TEK: variants seen among roughly 807,000 people sequenced by gnomAD.
The protein encoded by TEK is TEK receptor tyrosine kinase.
TEK carries 43 observed loss-of-function variants against 131.8 expected under a neutral mutation model. The observed-to-expected ratio is 0.33, with a 90% CI of 0.26 to 0.42. The LOEUF (loss-of-function observed/expected upper bound fraction) is 0.42, where lower values mean the gene tolerates loss of function less well. Among genes scored for constraint, TEK ranks in the 10% least tolerant of loss-of-function variants. The pLI is 1.00. For synonymous variants in TEK, 580 were observed against 491.6 expected (o/e 1.18, Z -2.38); for missense variants, 1,162 against 1,384.4 (o/e 0.84, Z 2.55).
chr9:27,149,514 G>A (rs1219425699), intron 1 of TEK, among the ~76,000 whole-genome samples: 3 of 152,164 alleles, frequency 2.0e-5, no homozygotes, highest in African/African-American at 7.2e-5. Context: ...GGAAGGCTAG[G>A]TGACTTCTTT....
chr9:27,195,553 CT>C (rs529626503), intron 11 of TEK: 8 of 439,364 alleles, frequency 1.8e-5, no homozygotes, highest in Middle Eastern at 4.5e-4. Flanking sequence ...GATTGTGTCC[CT>C]ACTGAGAATG....
At chr9:27,122,357 T>A (rs1299098514) in intron 1 of TEK, among the ~76,000 whole-genome samples, 7 of 151,896 alleles carry the variant, frequency 4.6e-5, no homozygotes, top group Non-Finnish European at 1.0e-4. Context: ...GAGAACAGGA[T>A]TATGGAAGAT....
intron 18 of TEK, 91 bp from the exon 19 acceptor site, chr9:27,217,597 G>T: frequency 9.0e-7 from 1 of 1,110,118 alleles, no homozygotes; most frequent in Non-Finnish European, 1.4e-6. Flanking sequence ...AGTCTACCCA[G>T]CAATCATTTG....
At chr9:27,187,587 T>C (rs1824646070) in intron 9 of TEK, among the ~76,000 whole-genome samples, 1 of 152,184 alleles carries the variant, frequency 6.6e-6, no homozygotes. Context: ...TAATCACAAA[T>C]TGTAGTATAT....
At chr9:27,136,807 A>C (rs1822465519) in intron 1 of TEK, among the ~76,000 whole-genome samples, 1 of 151,804 alleles carries the variant, frequency 6.6e-6, no homozygotes, top group Non-Finnish European at 1.5e-5. Flanking sequence ...TTGGAATTTC[A>C]ATTTGGATTA....
intron 15 of TEK, 72 bp from the exon 16 acceptor site, chr9:27,209,049 G>A: frequency 3.0e-6 from 3 of 1,004,474 alleles, no homozygotes; most frequent in East Asian, 2.4e-5. Flanking sequence ...AGGTTCTTAG[G>A]GGGCAGGACG....
At chr9:27,202,644 G>A (rs1405063056) in intron 12 of TEK, among the ~76,000 whole-genome samples, 176 bp from the exon 13 acceptor site, 8 of 152,146 alleles carry the variant, frequency 5.3e-5, no homozygotes, top group Non-Finnish European at 7.3e-5. Context: ...TTCTCTGTCT[G>A]TGCCACTCTT....
intron 21 of TEK, among the ~76,000 whole-genome samples, chr9:27,224,742 G>C (rs1826240964): frequency 6.6e-6 from 1 of 152,150 alleles, no homozygotes; most frequent in Non-Finnish European, 1.5e-5. Flanking sequence ...ACGTAGGATT[G>C]AAAGTTCTGG....
At chr9:27,172,325 T>G (rs1823988214) in intron 4 of TEK, among the ~76,000 whole-genome samples, 1 of 152,196 alleles carries the variant, frequency 6.6e-6, no homozygotes, top group Non-Finnish European at 1.5e-5. Flanking sequence ...TCTTTGCTAC[T>G]TAGTTGGTCC....
At chr9:27,162,764 G>A (rs555559246) in intron 2 of TEK, among the ~76,000 whole-genome samples, 1 of 151,870 alleles carries the variant, frequency 6.6e-6, no homozygotes, top group African/African-American at 2.4e-5. Context: ...CACCCAGGCT[G>A]GAGTGCAGTG....
intron 19 of TEK, 46 bp downstream of exon 19, chr9:27,217,804 A>G: frequency 6.5e-7 from 1 of 1,529,584 alleles, no homozygotes; most frequent in African/African-American, 1.4e-5. Context: ...CCCTCCCAGA[A>G]ACATATACAT....
intron 18 of TEK, among the ~76,000 whole-genome samples, chr9:27,215,204 G>A (rs1222899551): frequency 6.6e-6 from 1 of 152,120 alleles, no homozygotes; most frequent in Non-Finnish European, 1.5e-5. Flanking sequence ...CTGCAATATT[G>A]GGGTTATTTA....
chr9:27,183,162 T>C (rs1197457964), intron 7 of TEK, among the ~76,000 whole-genome samples: 2 of 152,182 alleles, frequency 1.3e-5, no homozygotes, highest in African/African-American at 2.4e-5. Flanking sequence ...CATTTTAATA[T>C]TGAGACTGTT....
intron 1 of TEK, among the ~76,000 whole-genome samples, chr9:27,112,355 C>T (rs1375521352): frequency 1.3e-5 from 2 of 152,172 alleles, no homozygotes; most frequent in Non-Finnish European, 2.9e-5. Context: ...TCTGAGTAAT[C>T]AAGGGTGGAG....
At position 27,138,872 on chromosome 9, in the gene TEK, G is replaced by C. The variant is rs557741918; in HGVS notation, c.53-18959G>C. ...GGAACCAATCCCCTGTGTGTACCAAGGAACAGCTATGTAATGTTTTAGATT... is the reference window on the plus strand; with the variant it reads ...GGAACCAATCCCCTGTGTGTACCAACGAACAGCTATGTAATGTTTTAGATT... On this transcript the variant is annotated intron_variant, in intron 1 of 22. Coordinates refer to ENST00000380036, the MANE Select transcript of TEK (RefSeq NM_000459.5). Among the ~76,000 whole-genome samples the C allele has an allele frequency of 2.0e-5, 3 of 152,244 alleles. No homozygotes were observed. The East Asian group carries it at 5.8e-4, about 29-fold the overall frequency.
chr9:27,213,435 C>A (rs750684267), intron 17 of TEK, 49 bp from the exon 18 acceptor site: 2 of 1,414,166 alleles, frequency 1.4e-6, no homozygotes, highest in Admixed American at 1.7e-5. Context: ...GTTTTCAGCC[C>A]TGGGGCTTTC....
rs1305987822 is a variant in TEK, at chr9:27,204,930, G to C, written c.2229G>C (p.Gly743=). 1 of 1,613,912 alleles carries C rather than the reference G, an allele frequency of 6.2e-7. No homozygotes were observed. Among genetic ancestry groups the C allele is most frequent in the South Asian group, 1.1e-5 (1 of 91,072 alleles). The change falls in exon 14 of 23, where the codon GGG becomes GGC. Residue 743 remains glycine, a synonymous_variant. Coordinates refer to ENST00000380036, the MANE Select transcript of TEK (RefSeq NM_000459.5). The stretch of plus-strand genomic sequence containing the variant: ...GCACAGCACCAGCGGACCTCGGAGG[G>C]GGGAAGATGCTGCTTATAGCCATCC... ...PESQAPADLG[G]GKMLLIAILG...
chr9:27,210,960 A>C (rs1190427895), intron 16 of TEK, among the ~76,000 whole-genome samples: 1 of 151,952 alleles, frequency 6.6e-6, no homozygotes, highest in African/African-American at 2.4e-5. Context: ...GTCTCTACTA[A>C]AAATACAAAA....
At chr9:27,212,939 G>A in intron 17 of TEK, 42 bp downstream of exon 17, 2 of 1,602,178 alleles carry the variant, frequency 1.2e-6, no homozygotes, top group Non-Finnish European at 8.5e-7. Context: ...TTCCTGTGGA[G>A]TTCCCTCTAA....
Sources: gnomAD v4.1 joint callset for allele counts (sites outside exome capture counted in the v4.1 genomes callset) on GRCh38, gnomAD v4.1.1 for gene constraint, MANE v1.5 for transcripts, NCBI Gene and HGNC (gene_info 2026-07-23, HGNC 2026-07-21) for gene names.